The following MACROD2 variants were observed in gnomAD, a reference collection of about 807,000 sequenced individuals.
MACROD2 encodes mono-ADP ribosylhydrolase 2.
Under a neutral mutation model 70.4 loss-of-function variants are expected in MACROD2, and 36 were observed. That is an observed-to-expected ratio of 0.51 (90% CI 0.39 to 0.68). MACROD2 has a LOEUF of 0.68. Ranked by LOEUF, MACROD2 falls within the 30% of genes least tolerant of loss-of-function variation. The pLI, the probability that MACROD2 is intolerant of heterozygous loss-of-function variation, is 0.00. For synonymous variants in MACROD2, 172 were observed against 178.8 expected (o/e 0.96, Z 0.30); for missense variants, 496 against 538.4 (o/e 0.92, Z 0.78).
intron 5 of MACROD2, among the ~76,000 whole-genome samples, chr20:14,836,098 C>CA (rs1056875760): frequency 5.4e-4 from 81 of 151,232 alleles, no homozygotes; most frequent in Admixed American, 7.9e-4. Context: ...ATCAAACAAA[C>CA]AAAAAAAACC....
At position 14,773,306 on chromosome 20, in the gene MACROD2, G is replaced by A. The variant is rs558392643; in HGVS notation, c.418+88347G>A. Among the ~76,000 whole-genome samples the A allele has an allele frequency of 5.1e-4, 78 of 152,036 alleles. 1 individual carries two copies. Among genetic ancestry groups the A allele is most frequent in the African/African-American group, 1.8e-3 (75 of 41,450 alleles). On this transcript the variant is annotated intron_variant, in intron 5 of 17. Transcript: ENST00000684519. ...CAATAAATTCTCCCAAAATCTAGTGGTAAGAAGCAACAAACATTTACTATC... is the reference window on the plus strand; with the variant it reads ...CAATAAATTCTCCCAAAATCTAGTGATAAGAAGCAACAAACATTTACTATC...
chr20:14,618,170 C>T (rs1983590016), intron 4 of MACROD2, among the ~76,000 whole-genome samples: 1 of 151,916 alleles, frequency 6.6e-6, no homozygotes, highest in African/African-American at 2.4e-5. Flanking sequence ...ACTTAGAAGG[C>T]CCTATTTGCT....
At chr20:14,792,939 T>A (rs1377207264) in intron 5 of MACROD2, among the ~76,000 whole-genome samples, 3 of 152,050 alleles carry the variant, frequency 2.0e-5, no homozygotes, top group Non-Finnish European at 2.9e-5. Context: ...AAATAAAAGT[T>A]ATTTTGGATT....
At chr20:15,255,219 C>T (rs1237863045) in intron 6 of MACROD2, among the ~76,000 whole-genome samples, 1 of 151,990 alleles carries the variant, frequency 6.6e-6, no homozygotes, top group African/African-American at 2.4e-5. Flanking sequence ...ATCCTGTACT[C>T]TCTAATGTAA....
At chr20:14,036,441 CAG>C (rs1253303873) in intron 2 of MACROD2, among the ~76,000 whole-genome samples, 2 of 152,142 alleles carry the variant, frequency 1.3e-5, no homozygotes, top group African/African-American at 2.4e-5. Flanking sequence ...ACAAGCACCT[CAG>C]GGTGTTTTCC....
intron 8 of MACROD2, among the ~76,000 whole-genome samples, chr20:15,795,156 G>C (rs1300847575): frequency 6.6e-6 from 1 of 152,108 alleles, no homozygotes; most frequent in Non-Finnish European, 1.5e-5. Context: ...AGCCATTCAT[G>C]TCACTAAGCT....
chr20:14,100,954 C>T (rs1340944705), intron 3 of MACROD2, among the ~76,000 whole-genome samples: 2 of 149,114 alleles, frequency 1.3e-5, no homozygotes, highest in Non-Finnish European at 3.0e-5. Flanking sequence ...ACCGTATTGT[C>T]CTCCCATCTC....
intron 8 of MACROD2, among the ~76,000 whole-genome samples, chr20:15,719,330 C>A (rs897709209): frequency 6.6e-6 from 1 of 152,142 alleles, no homozygotes; most frequent in Non-Finnish European, 1.5e-5. Flanking sequence ...GGTACTGCAG[C>A]AAACTAACAG....
intron 8 of MACROD2, among the ~76,000 whole-genome samples, chr20:15,519,055 T>TTTCCTTCCTTCCTTCCTTCCTTCC (rs373164988): frequency 9.4e-5 from 11 of 116,426 alleles, no homozygotes; most frequent in East Asian, 8.4e-4. Context: ...TAACTCGCTC[T>TTTCCTTCCTTCCTTCCTTCCTTCC]TTCCTTCCTT....
intron 8 of MACROD2, among the ~76,000 whole-genome samples, chr20:15,593,180 A>C (rs2048701860): frequency 3.3e-5 from 5 of 152,026 alleles, no homozygotes; most frequent in Admixed American, 3.3e-4. Context: ...TGTTTTTTGG[A>C]ATATTGATGC....
intron 5 of MACROD2, among the ~76,000 whole-genome samples, chr20:14,690,053 T>A (rs894745947): frequency 3.4e-5 from 5 of 148,788 alleles, no homozygotes; most frequent in Non-Finnish European, 7.4e-5. Flanking sequence ...CTCCAAAATT[T>A]ACTCTTAATG....
At chr20:15,988,431 T>C (rs1429156733) in intron 15 of MACROD2, among the ~76,000 whole-genome samples, 1 of 152,124 alleles carries the variant, frequency 6.6e-6, no homozygotes, top group African/African-American at 2.4e-5. Flanking sequence ...GCTCTGTTTA[T>C]TGCATTTCAA....
At chr20:15,105,426 T>TCCTA (rs2075903591) in intron 5 of MACROD2, among the ~76,000 whole-genome samples, 1 of 152,238 alleles carries the variant, frequency 6.6e-6, no homozygotes, top group East Asian at 1.9e-4. Flanking sequence ...TGGGTCAAAT[T>TCCTA]CCTACAACCT....
At chr20:15,593,362 C>A (rs1460380187) in intron 8 of MACROD2, among the ~76,000 whole-genome samples, 2 of 152,126 alleles carry the variant, frequency 1.3e-5, no homozygotes, top group Non-Finnish European at 2.9e-5. Context: ...TGATAACATG[C>A]GCTACTGCCA....
chr20:14,540,307 A>G (rs2085416183), intron 4 of MACROD2, among the ~76,000 whole-genome samples: 1 of 152,122 alleles, frequency 6.6e-6, no homozygotes, highest in Non-Finnish European at 1.5e-5. Flanking sequence ...ATATAATTGG[A>G]GACTATGAAG....
chr20:15,129,462 T>C (rs2076089554), intron 5 of MACROD2, among the ~76,000 whole-genome samples: 1 of 152,144 alleles, frequency 6.6e-6, no homozygotes, highest in Non-Finnish European at 1.5e-5. Context: ...GCATGGCTCA[T>C]GTAACACAAT....
chr20:15,795,802 G>A (rs115065318), intron 8 of MACROD2, among the ~76,000 whole-genome samples: 30 of 152,268 alleles, frequency 2.0e-4, no homozygotes, highest in Admixed American at 3.9e-4. Flanking sequence ...TCTGAGTGCC[G>A]ACTGTGGGAA....
At chr20:16,019,349 C>T (rs1405202063) in intron 15 of MACROD2, among the ~76,000 whole-genome samples, 1 of 152,120 alleles carries the variant, frequency 6.6e-6, no homozygotes, top group Non-Finnish European at 1.5e-5. Flanking sequence ...AAATAAGGGC[C>T]ATGCTGGGAC....
intron 5 of MACROD2, among the ~76,000 whole-genome samples, chr20:15,120,261 AGT>A (rs34652299): frequency 0.28 from 32,951 of 116,128 alleles, 4,791 homozygotes; most frequent in Non-Finnish European, 0.36. Context: ...TTTAAGGGGG[AGT>A]GTGTGTGTGT....
Sources: allele counts gnomAD v4.1 joint callset (sites outside exome capture counted in the v4.1 genomes callset), GRCh38; gene constraint gnomAD v4.1.1; transcripts MANE v1.5; gene names NCBI Gene and HGNC (gene_info 2026-07-23, HGNC 2026-07-21).